The following TPH2 variants were observed in gnomAD, a reference collection of about 807,000 sequenced individuals.
TPH2 encodes tryptophan 5-hydroxylase 2.
Under a neutral mutation model 59.1 loss-of-function variants are expected in TPH2, and 27 were observed. The observed-to-expected ratio is 0.46, with a 90% confidence interval of 0.34 to 0.63. The LOEUF is 0.63. Ranked by LOEUF, TPH2 falls within the 30% of genes least tolerant of loss-of-function variation. The pLI is 0.01. For synonymous variants in TPH2, 220 were observed against 210.5 expected, an observed-to-expected ratio of 1.05 and a Z score of -0.39; for missense variants, 523 against 588.3, an observed-to-expected ratio of 0.89 and a Z score of 1.15.
chr12:72,022,501 A>G lies in TPH2; in HGVS notation c.1164+7A>G, dbSNP rs566662957. The G allele has an allele frequency of 8.1e-5, 129 of 1,600,186 alleles. No homozygotes were observed. The Middle Eastern group carries it at 1.5e-3, about 18-fold the overall frequency. On this transcript the variant is annotated splice_region_variant and intron_variant, in intron 9 of 10. Transcript: ENST00000333850. ...CTCCATTGGAGAATTAAAGGTATGA[A>G]GCTGTGAATGAAAATACCCTTCCCA... is the stretch of plus-strand genomic sequence containing the variant.
chr12:72,002,259 G>GAGAA (rs1872842414), intron 8 of TPH2, among the ~76,000 whole-genome samples: 1 of 152,078 alleles, frequency 6.6e-6, no homozygotes, highest in South Asian at 2.1e-4. Flanking sequence ...ACTCCCAGGC[G>GAGAA]AGAAAGAAAG....
At chr12:71,949,533 T>C in intron 4 of TPH2, 55 bp from the exon 5 acceptor site, 1 of 1,463,400 alleles carries the variant, frequency 6.8e-7, no homozygotes, top group Non-Finnish European at 9.6e-7. Flanking sequence ...TTTTAGGTCT[T>C]CTGCAGCTAA....
chr12:72,027,432 C>T (rs527618102), intron 9 of TPH2, among the ~76,000 whole-genome samples: 2 of 152,188 alleles, frequency 1.3e-5, no homozygotes, highest in Non-Finnish European at 2.9e-5. Context: ...TTGACCACAA[C>T]CCCAGGTTAT....
intron 4 of TPH2, among the ~76,000 whole-genome samples, chr12:71,948,008 C>T (rs2139182444): frequency 6.6e-6 from 1 of 152,100 alleles, no homozygotes; most frequent in East Asian, 1.9e-4. Context: ...AATAAAGGTG[C>T]TTGGAATTCT....
chr12:71,944,651 C>G lies in TPH2; in HGVS notation c.505C>G (p.Leu169Val), dbSNP rs1166293621. Reference protein sequence around the residue: ...SELDKCSHRVLMYGSELDADH... With the variant: ...SELDKCSHRVVMYGSELDADH... ...GTTAGACAAATGCTCTCACAGAGTT[C>G]TCATGTATGGTTCTGAGCTTGATGC... Residue 169 changes from leucine to valine, a missense_variant, in exon 4 of 11, where the codon CTC (leucine) becomes GTC (valine). By Grantham distance (32) the Leu-to-Val change is conservative. Coordinates refer to ENST00000333850, the MANE Select transcript of TPH2 (RefSeq NM_173353.4). 1.2e-6 allele frequency: 2 copies of G among 1,613,936 alleles called. No homozygotes were observed. The highest frequency in any genetic ancestry group is 2.2e-5 in the South Asian group (2 of 91,078).
chr12:71,939,044 C>T lies in TPH2; in HGVS notation c.58C>T (p.Leu20=). ...ATACTGGGCACGGAGAGGGTTTTCC[C>T]TGGATTCAGCAGTGCCCGAAGAGCA... ...SKYWARRGFS[L]DSAVPEEHQL... is the part of the protein sequence containing the mutation. Residue 20 remains leucine (L), a synonymous_variant, in exon 1 of 11, where the codon CTG becomes TTG. Coordinates refer to ENST00000333850, the MANE Select transcript of TPH2 (RefSeq NM_173353.4). 6.2e-7 allele frequency: 1 copy of T among 1,614,154 alleles called. No homozygotes were observed. Among genetic ancestry groups the T allele is most frequent in the East Asian group, 2.2e-5 (1 of 44,874 alleles).
chr12:71,960,252 A>G (rs570657979), intron 5 of TPH2, among the ~76,000 whole-genome samples: 4 of 152,338 alleles, frequency 2.6e-5, no homozygotes, highest in South Asian at 2.1e-4. Context: ...GAATTCAAAT[A>G]TCTTTCTCTG....
At chr12:71,958,479 C>T (rs117294742) in intron 5 of TPH2, among the ~76,000 whole-genome samples, 1 of 152,314 alleles carries the variant, frequency 6.6e-6, no homozygotes, top group Non-Finnish European at 1.5e-5. Flanking sequence ...ATTTGAAATG[C>T]ACCATCCTTG....
chr12:71,944,296 A>C lies in TPH2; in HGVS notation c.258A>C (p.Glu86Asp), dbSNP rs1322861235. The C allele has an allele frequency of 6.2e-7, 1 of 1,613,664 alleles. No individual in the cohort carries two copies. Among genetic ancestry groups the C allele is most frequent in the Non-Finnish European group, 8.5e-7 (1 of 1,179,752 alleles). ...TTCAGATGCTCGTGTTTCCACAGGA[A>C]AAACGTGTCAACATGGTTCATATTG... ...GLVKALRLFQ[E>D]KRVNMVHIES... is the part of the protein sequence containing the mutation. Residue 86 changes from glutamate (E) to aspartate (D), a missense_variant and splice_region_variant, in exon 3 of 11, where the codon GAA (glutamate) becomes GAC (aspartate). Physicochemically the swap from Glu to Asp is conservative, Grantham distance 45. Coordinates refer to ENST00000333850, the MANE Select transcript of TPH2 (RefSeq NM_173353.4).
chr12:71,962,387 T>C (rs1001273567), intron 5 of TPH2: 18 of 985,342 alleles, frequency 1.8e-5, no homozygotes, highest in Non-Finnish European at 2.2e-5. Context: ...TCCCTTTGGG[T>C]TTACATATGC....
At chr12:71,993,131 G>C (rs1006436682) in intron 7 of TPH2, among the ~76,000 whole-genome samples, 2 of 152,166 alleles carry the variant, frequency 1.3e-5, no homozygotes, top group African/African-American at 2.4e-5. Context: ...CCAAGATTGG[G>C]GATACGGTTT....
At chr12:71,941,500 G>T (rs771582697) in intron 1 of TPH2, 84 bp from the exon 2 acceptor site, 36 of 1,509,074 alleles carry the variant, frequency 2.4e-5, no homozygotes, top group Non-Finnish European at 2.9e-5. Context: ...GCTTATGAAT[G>T]ACATGTATGG....
intron 8 of TPH2, among the ~76,000 whole-genome samples, chr12:72,006,941 C>A (rs1401073415): frequency 1.3e-5 from 2 of 152,038 alleles, no homozygotes; most frequent in Non-Finnish European, 2.9e-5. Flanking sequence ...TAGCATGTTT[C>A]ACATGACTAT....
chr12:71,957,588 G>A lies in TPH2; in HGVS notation c.608+7933G>A, dbSNP rs367861357. ...TGGCCTCAAACAATCCTCCTGCCTC[G>A]GCCTCCCAAAGTGATGGGATTATAA... On this transcript the variant is annotated intron_variant, in intron 5 of 10. Transcript: ENST00000333850. Among the ~76,000 whole-genome samples, 21 of 152,012 alleles carry A rather than the reference G, an allele frequency of 1.4e-4. No homozygotes were observed. In the East Asian group the frequency reaches 1.9e-3, roughly 14 times the overall value.
intron 8 of TPH2, among the ~76,000 whole-genome samples, chr12:72,019,206 A>G (rs889073544): frequency 3.9e-5 from 6 of 152,280 alleles, no homozygotes; most frequent in African/African-American, 1.4e-4. Context: ...TCCCTAGCCC[A>G]AGTCATACTC....
intron 8 of TPH2, among the ~76,000 whole-genome samples, chr12:72,012,792 C>A (rs899626628): frequency 1.3e-5 from 2 of 152,130 alleles, no homozygotes; most frequent in African/African-American, 4.8e-5. Context: ...GGGTATATTT[C>A]TTTTTTCTTC....
intron 5 of TPH2, among the ~76,000 whole-genome samples, chr12:71,951,449 A>G (rs1297730802): frequency 2.0e-5 from 3 of 152,056 alleles, no homozygotes; most frequent in Non-Finnish European, 2.9e-5. Context: ...TAGCTTCGTC[A>G]CTCAGTCTGC....
intron 8 of TPH2, among the ~76,000 whole-genome samples, chr12:72,005,445 C>T (rs1413411349): frequency 6.6e-6 from 1 of 152,084 alleles, no homozygotes; most frequent in African/African-American, 2.4e-5. Flanking sequence ...AAATAAAGAT[C>T]ATCTGCACTA....
At chr12:72,007,377 A>G (rs1375774186) in intron 8 of TPH2, among the ~76,000 whole-genome samples, 6 of 152,174 alleles carry the variant, frequency 3.9e-5, no homozygotes, top group Non-Finnish European at 1.5e-5. Flanking sequence ...GCAGATTAGG[A>G]GTGATGCTGT....
Sources: gnomAD v4.1 joint callset for allele counts (sites outside exome capture counted in the v4.1 genomes callset) on GRCh38, gnomAD v4.1.1 for gene constraint, MANE v1.5 for transcripts, NCBI Gene and HGNC (gene_info 2026-07-23, HGNC 2026-07-21) for gene names.